LARGE1: variants seen among roughly 807,000 people sequenced by gnomAD.
LARGE1 encodes LARGE xylosyl- and glucuronyltransferase 1.
A neutral mutation model predicts 87.6 loss-of-function variants in LARGE1; 43 were observed. The observed-to-expected ratio is 0.49, with a 90% confidence interval of 0.38 to 0.63. The LOEUF (loss-of-function observed/expected upper bound fraction) is 0.63. LARGE1 is among the 30% of genes least tolerant of loss of function. The pLI is 0.00. For synonymous variants in LARGE1, 434 were observed against 394.6 expected, an observed-to-expected ratio of 1.10 and a Z score of -1.18; for missense variants, 802 against 1,000.2, an observed-to-expected ratio of 0.80 and a Z score of 2.67.
intron 11 of LARGE1, among the ~76,000 whole-genome samples, chr22:33,197,021 A>G (rs1222356013): frequency 6.6e-6 from 1 of 152,218 alleles, no homozygotes; most frequent in Non-Finnish European, 1.5e-5. Flanking sequence ...AAATTAATCA[A>G]TTAATTCAAT....
intron 12 of LARGE1, among the ~76,000 whole-genome samples, chr22:33,291,563 A>C (rs760333389): frequency 6.6e-6 from 1 of 151,988 alleles, no homozygotes; most frequent in Non-Finnish European, 1.5e-5. Flanking sequence ...TTAGGTCATG[A>C]GGGCCCCACC....
intron 9 of LARGE1, among the ~76,000 whole-genome samples, chr22:33,347,022 T>C (rs1203750568): frequency 1.3e-5 from 2 of 152,234 alleles, no homozygotes; most frequent in Admixed American, 1.3e-4. Context: ...CTTGTGACCA[T>C]GAGAGGTCAA....
At chr22:33,698,006 T>A (rs1183401890) in intron 2 of LARGE1, among the ~76,000 whole-genome samples, 1 of 152,220 alleles carries the variant, frequency 6.6e-6, no homozygotes, top group Non-Finnish European at 1.5e-5. Context: ...CTCACCGCAG[T>A]AAACAGAGAA....
chr22:33,172,087 T>C (rs754341307), intron 11 of LARGE1, among the ~76,000 whole-genome samples: 12 of 152,262 alleles, frequency 7.9e-5, no homozygotes, highest in East Asian at 1.9e-4. Flanking sequence ...GGAGATTGTA[T>C]TGAAGCTCTA....
intron 11 of LARGE1, among the ~76,000 whole-genome samples, chr22:33,179,876 C>T (rs377609256): frequency 1.6e-4 from 24 of 151,806 alleles, no homozygotes; most frequent in African/African-American, 5.8e-4. Context: ...TGTGTTGAAA[C>T]GTAATGGCTA....
intron 1 of LARGE1, among the ~76,000 whole-genome samples, chr22:33,892,948 G>A (rs969923577): frequency 2.0e-5 from 3 of 152,242 alleles, no homozygotes; most frequent in African/African-American, 4.8e-5. Flanking sequence ...CTTTGCAAAC[G>A]TGGAGTGAGG....
intron 3 of LARGE1, among the ~76,000 whole-genome samples, chr22:33,627,905 G>A (rs773984517): frequency 3.9e-5 from 6 of 152,066 alleles, no homozygotes; most frequent in Non-Finnish European, 5.9e-5. Flanking sequence ...TCACTCTACC[G>A]CTCCTCTTCC....
rs888195170 is a variant in LARGE1, at chr22:33,435,506, A to G, written c.788-3241T>C. Among the ~76,000 whole-genome samples the G allele has an allele frequency of 4.6e-5, 7 of 152,252 alleles. No homozygotes were observed. In the South Asian group the frequency reaches 1.0e-3, roughly 23 times the overall value. ...GACATCTAGTGGGTTAACCTTCCTG[A>G]TCGGGTGTGTGTTAGTGTCCTCATA... On this transcript the variant is annotated intron_variant, in intron 6 of 14. Transcript: ENST00000397394.
chr22:33,544,187 C>G (rs1392473222), intron 6 of LARGE1, among the ~76,000 whole-genome samples: 1 of 152,174 alleles, frequency 6.6e-6, no homozygotes, highest in Non-Finnish European at 1.5e-5. Context: ...TGGACTTCAC[C>G]CCATGAGCCT....
rs187242820 is a variant in LARGE1 at position 33,515,648 on chromosome 22, C to A, written c.787+49200G>T. Among the ~76,000 whole-genome samples the A allele has an allele frequency of 5.7e-3, 861 of 152,324 alleles. 7 individuals are homozygous for A. Among genetic ancestry groups the A allele is most frequent in the African/African-American group, 0.019 (799 of 41,578 alleles). The stretch of plus-strand genomic sequence containing the variant: ...AGAAAAGCTACCCCAGAAACCCCCT[C>A]ATTTTATACACTGAAGAACCCAGGC... On this transcript the variant is annotated intron_variant, in intron 6 of 14. Transcript: ENST00000397394.
chr22:33,887,901 A>C (rs1395651972), intron 1 of LARGE1, among the ~76,000 whole-genome samples: 1 of 152,260 alleles, frequency 6.6e-6, no homozygotes, highest in African/African-American at 2.4e-5. Context: ...TACAAGTTTC[A>C]GTGAACGTCA....
chr22:33,478,825 A>T (rs1318100479), intron 6 of LARGE1, among the ~76,000 whole-genome samples: 1 of 152,178 alleles, frequency 6.6e-6, no homozygotes, highest in Non-Finnish European at 1.5e-5. Flanking sequence ...CAAGTCCCTG[A>T]TGTGGCACTT....
the LARGE1 span, among the ~76,000 whole-genome samples, chr22:33,067,941 C>T: frequency 6.6e-6 from 1 of 151,878 alleles, no homozygotes; most frequent in Admixed American, 6.6e-5. Context: ...GATCGCATCA[C>T]TGCACTCCAG....
intron 1 of LARGE1, among the ~76,000 whole-genome samples, chr22:33,895,599 T>C (rs2146859533): frequency 6.6e-6 from 1 of 152,294 alleles, no homozygotes; most frequent in East Asian, 1.9e-4. Flanking sequence ...GTCCTTGCCT[T>C]CTTGCTGGCT....
At chr22:33,445,126 C>T (rs1775277364) in intron 6 of LARGE1, among the ~76,000 whole-genome samples, 1 of 152,086 alleles carries the variant, frequency 6.6e-6, no homozygotes, top group South Asian at 2.1e-4. Flanking sequence ...CGCTGTGCCC[C>T]GCCACCTCCT....
At chr22:33,086,855 T>A in the LARGE1 span, among the ~76,000 whole-genome samples, 1 of 152,112 alleles carries the variant, frequency 6.6e-6, no homozygotes, top group Non-Finnish European at 1.5e-5. Context: ...CCAGCCCCAC[T>A]TTTTGTAAAA....
chr22:33,266,237 T>C (rs1224489864), intron 11 of LARGE1, among the ~76,000 whole-genome samples: 1 of 148,682 alleles, frequency 6.7e-6, no homozygotes, highest in Admixed American at 6.6e-5. Context: ...TTTTTTTTTT[T>C]TGAGATGGAG....
intron 6 of LARGE1, among the ~76,000 whole-genome samples, chr22:33,481,823 C>T (rs370967085): frequency 1.6e-4 from 25 of 152,066 alleles, no homozygotes; most frequent in African/African-American, 5.3e-4. Flanking sequence ...ATAAAGAGAC[C>T]GGCACCAGTT....
At chr22:33,668,576 T>C (rs1033276364) in intron 2 of LARGE1, among the ~76,000 whole-genome samples, 2 of 152,186 alleles carry the variant, frequency 1.3e-5, no homozygotes, top group Non-Finnish European at 2.9e-5. Context: ...TAATACTCCT[T>C]TAGATCGGCG....
Sources: gnomAD v4.1 joint callset for allele counts (sites outside exome capture counted in the v4.1 genomes callset) on GRCh38, gnomAD v4.1.1 for gene constraint, MANE v1.5 for transcripts, NCBI Gene and HGNC (gene_info 2026-07-23, HGNC 2026-07-21) for gene names.